The following TMEM163 variants were observed in gnomAD, a reference collection of about 807,000 sequenced individuals.
TMEM163 encodes the protein transmembrane protein 163.
A neutral mutation model predicts 29.3 loss-of-function variants in TMEM163; 17 were observed. The ratio of observed to expected loss-of-function variants is 0.58; its 90% CI spans 0.40 to 0.87. The LOEUF (loss-of-function observed/expected upper bound fraction) is 0.87, where lower values mean the gene tolerates loss of function less well. TMEM163 is among the 40% of genes least tolerant of loss of function. TMEM163 has a pLI of 0.00. For synonymous variants in TMEM163, 157 were observed against 160.6 expected, an observed-to-expected ratio of 0.98 and a Z score of 0.17; for missense variants, 303 against 381.5, an observed-to-expected ratio of 0.79 and a Z score of 1.71.
chr2:134,632,011 A>T (rs1682980518), intron 2 of TMEM163, among the ~76,000 whole-genome samples: 1 of 152,232 alleles, frequency 6.6e-6, no homozygotes, highest in Non-Finnish European at 1.5e-5. Flanking sequence ...AAATTCCACA[A>T]GAAAGTTTCC....
chr2:134,644,078 T>G (rs1007339702), intron 2 of TMEM163, among the ~76,000 whole-genome samples: 1 of 152,080 alleles, frequency 6.6e-6, no homozygotes, highest in Non-Finnish European at 1.5e-5. Flanking sequence ...AACAGTATGC[T>G]GAAAACTTCA....
chr2:134,593,651 G>T (rs968940836), intron 2 of TMEM163, among the ~76,000 whole-genome samples: 9 of 151,674 alleles, frequency 5.9e-5, no homozygotes, highest in Non-Finnish European at 1.0e-4. Flanking sequence ...GGAGAGGAGG[G>T]GTGGAAGGTA....
chr2:134,464,079 G>GT (rs1686609855), intron 6 of TMEM163, among the ~76,000 whole-genome samples: 1 of 152,306 alleles, frequency 6.6e-6, no homozygotes, highest in South Asian at 2.1e-4. Context: ...TACCATCTAA[G>GT]TAGGTTTGGT....
In TMEM163 at chr2:134,704,365, A is replaced by C. The variant is rs147867327; in HGVS notation, c.322+8835T>G. ...CATCCCTTTCCCAGAATCCCCCTCC[A>C]CTGAAGGACGCTGCCTCCCCGTGGT... On this transcript the variant is annotated intron_variant, in intron 2 of 7. Transcript: ENST00000281924. Among the ~76,000 whole-genome samples, 478 of 152,092 alleles carry C rather than the reference A, an allele frequency of 3.1e-3. 6 individuals are homozygous for C. In the East Asian group the frequency reaches 0.037, roughly 12 times the overall value.
At chr2:134,695,938 G>C (rs1221522848) in intron 2 of TMEM163, among the ~76,000 whole-genome samples, 1 of 151,776 alleles carries the variant, frequency 6.6e-6, no homozygotes, top group Non-Finnish European at 1.5e-5. Context: ...TGTAATCCCA[G>C]CTATCAGGAG....
At chr2:134,640,723 C>T (rs6709722) in intron 2 of TMEM163, among the ~76,000 whole-genome samples, 2,100 of 152,272 alleles carry the variant, frequency 0.014, 53 homozygotes, top group African/African-American at 0.048. Context: ...GCCCAGGTCT[C>T]TCAAAACAGA....
At chr2:134,647,184 A>G (rs903910201) in intron 2 of TMEM163, among the ~76,000 whole-genome samples, 2 of 152,214 alleles carry the variant, frequency 1.3e-5, no homozygotes, top group African/African-American at 2.4e-5. Flanking sequence ...TTCCAGCTCA[A>G]ATTAAGTTTA....
intron 2 of TMEM163, among the ~76,000 whole-genome samples, chr2:134,707,517 C>T (rs1236267086): frequency 2.6e-5 from 4 of 152,144 alleles, no homozygotes; most frequent in Non-Finnish European, 5.9e-5. Flanking sequence ...CAGCAAACTA[C>T]GCAAAGGATC....
At chr2:134,615,313 G>A (rs1682585440) in intron 2 of TMEM163, among the ~76,000 whole-genome samples, 1 of 152,200 alleles carries the variant, frequency 6.6e-6, no homozygotes, top group South Asian at 2.1e-4. Flanking sequence ...GTAAAGCCTA[G>A]GTGGAAGAAT....
chr2:134,632,806 G>C (rs899562921), intron 2 of TMEM163, among the ~76,000 whole-genome samples: 5 of 151,900 alleles, frequency 3.3e-5, no homozygotes, highest in African/African-American at 9.6e-5. Context: ...GCAATGGCGG[G>C]ATCTCGGCTC....
chr2:134,698,374 AAAT>A (rs1684625114), intron 2 of TMEM163, among the ~76,000 whole-genome samples: 1 of 152,240 alleles, frequency 6.6e-6, no homozygotes, highest in Non-Finnish European at 1.5e-5. Context: ...ATACAATTGT[AAAT>A]AATGGTCTCA....
At chr2:134,680,359 C>A (rs1684203489) in intron 2 of TMEM163, among the ~76,000 whole-genome samples, 2 of 140,592 alleles carry the variant, frequency 1.4e-5, no homozygotes, top group African/African-American at 2.9e-5. Flanking sequence ...AAAAATGAGA[C>A]CTATAAAAAA....
chr2:134,706,723 G>A (rs527988744), intron 2 of TMEM163, among the ~76,000 whole-genome samples: 57 of 152,164 alleles, frequency 3.7e-4, no homozygotes, highest in Non-Finnish European at 7.8e-4. Flanking sequence ...CAGCCTGTAG[G>A]GCCCACAAGG....
intron 2 of TMEM163, among the ~76,000 whole-genome samples, chr2:134,662,793 ATC>A (rs2104860137): frequency 6.6e-6 from 1 of 152,294 alleles, no homozygotes; most frequent in African/African-American, 2.4e-5. Flanking sequence ...ATGCTTTCAT[ATC>A]TCTGGGTACC....
intron 2 of TMEM163, among the ~76,000 whole-genome samples, chr2:134,617,479 G>A (rs1682632472): frequency 6.6e-6 from 1 of 151,950 alleles, no homozygotes; most frequent in South Asian, 2.1e-4. Context: ...GCGGGCACCT[G>A]TAATCCCAGC....
chr2:134,586,429 G>A lies in TMEM163; in HGVS notation c.323-34338C>T, dbSNP rs115026056. ...CATTCCTTGGCTTCTGCTGCATCACGCTGATCACTGCCTCCATTTTCACGT... is the reference window on the plus strand; with the variant it reads ...CATTCCTTGGCTTCTGCTGCATCACACTGATCACTGCCTCCATTTTCACGT... On this transcript the variant is annotated intron_variant, in intron 2 of 7. Coordinates refer to ENST00000281924, the MANE Select transcript of TMEM163 (RefSeq NM_030923.5). Among the ~76,000 whole-genome samples the A allele has an allele frequency of 4.2e-3, 632 of 152,256 alleles. 6 individuals carry two copies. The highest frequency in any genetic ancestry group is 0.014 in the African/African-American group (570 of 41,534).
intron 5 of TMEM163, chr2:134,466,530 A>G (rs1231769129): frequency 3.5e-6 from 1 of 286,366 alleles, no homozygotes; most frequent in Non-Finnish European, 6.7e-6. Context: ...TCAATAACAG[A>G]GTTGGTCAGA....
intron 2 of TMEM163, among the ~76,000 whole-genome samples, chr2:134,671,800 C>T (rs762772697): frequency 1.7e-4 from 26 of 152,184 alleles, no homozygotes; most frequent in Non-Finnish European, 3.1e-4. Context: ...GAGTCCAAAT[C>T]CTAGCTCCAC....
chr2:134,701,279 T>C (rs1013955338), intron 2 of TMEM163, among the ~76,000 whole-genome samples: 8 of 150,750 alleles, frequency 5.3e-5, no homozygotes, highest in Non-Finnish European at 7.4e-5. Flanking sequence ...TATGGGCAAG[T>C]GGTAATTGAT....
Sources: allele counts gnomAD v4.1 joint callset (sites outside exome capture counted in the v4.1 genomes callset), GRCh38; gene constraint gnomAD v4.1.1; transcripts MANE v1.5; gene names NCBI Gene and HGNC (gene_info 2026-07-23, HGNC 2026-07-21).